CREBBP: variants seen among roughly 807,000 people sequenced by gnomAD.
CREBBP encodes CREB-binding protein.
CREBBP carries 19 observed loss-of-function variants against 265.0 expected under a neutral mutation model. That is an observed-to-expected ratio of 0.07 (90% CI 0.05 to 0.11). The LOEUF is 0.11. Among genes scored for constraint, CREBBP ranks in the 10% least tolerant of loss-of-function variants. CREBBP has a pLI of 1.00. For synonymous variants in CREBBP, 1,457 were observed against 1,223.7 expected (o/e 1.19, Z -3.98); for missense variants, 2,525 against 3,219.0 (o/e 0.78, Z 5.22).
At chr16:3,852,624 T>G (rs2054876226) in intron 1 of CREBBP, among the ~76,000 whole-genome samples, 1 of 152,094 alleles carries the variant, frequency 6.6e-6, no homozygotes, top group African/African-American at 2.4e-5. Context: ...CTAAAAGTAT[T>G]TGTAGTATAT....
Position 3,797,026 on chromosome 16 carries a change from A to C in CREBBP, c.976-3400T>G, listed in dbSNP as rs181340351. ...TTCCTCCTCTCCCAGGCTGGTGTTC[A>C]ATGAGCCATGAGAGTTAGATGTGAA... is the stretch of plus-strand genomic sequence containing the variant. On this transcript the variant is annotated intron_variant, in intron 3 of 30. Coordinates refer to ENST00000262367, the MANE Select transcript of CREBBP (RefSeq NM_004380.3). Among the ~76,000 whole-genome samples the C allele has an allele frequency of 3.1e-4, 47 of 152,326 alleles. No homozygotes were observed. The East Asian group carries it at 5.2e-3, about 17-fold the overall frequency.
Position 3,745,264 on chromosome 16 carries a change from GGAAACA to G in CREBBP, c.3914+7_3914+12del. The G allele has an allele frequency of 6.2e-7, 1 of 1,612,294 alleles. No homozygotes were observed. The stretch of plus-strand genomic sequence containing the variant: ...GTGCAGAACTGCCCTCCAGGCCAGG[GGAAACA>G]ACTCACCCTGAAGGCCAAATGATGT... On this transcript the variant is annotated splice_region_variant and intron_variant, in intron 22 of 30. Transcript: ENST00000262367.
intron 6 of CREBBP, 132 bp from the exon 7 acceptor site, chr16:3,781,438 T>C (rs2053271967): frequency 2.8e-6 from 2 of 712,292 alleles, no homozygotes; most frequent in Admixed American, 2.1e-5. Context: ...TGGCCAGTTA[T>C]AGTAAGCACT....
chr16:3,764,657 T>C (rs1367278842), intron 16 of CREBBP, among the ~76,000 whole-genome samples: 1 of 152,068 alleles, frequency 6.6e-6, no homozygotes, highest in East Asian at 1.9e-4. Flanking sequence ...CATCACAGCT[T>C]GCTGCAGCCT....
intron 4 of CREBBP, 99 bp from the exon 5 acceptor site, chr16:3,792,193 A>T: frequency 4.9e-6 from 5 of 1,016,702 alleles, no homozygotes; most frequent in Non-Finnish European, 7.7e-6. Context: ...AGAAAATGGT[A>T]ACAAGTGTAA....
chr16:3,774,655 G>T lies in CREBBP; in HGVS notation c.2197C>A (p.Gln733Lys). Residue 733 changes from glutamine to lysine, a missense_variant, in exon 12 of 31, where the codon CAG (glutamine) becomes AAG (lysine). Coordinates refer to ENST00000262367, the MANE Select transcript of CREBBP (RefSeq NM_004380.3). ...GGTCCCATGGGTGCTTGTGGCAACT[G>T]GACGTTCCCCAAGGACATGGGGTTA... ...SFNPMSLGNV[Q>K]LPQAPMGPRA... The T allele has an allele frequency of 6.2e-7, 1 of 1,614,162 alleles. No individual in the cohort carries two copies. Among genetic ancestry groups the T allele is most frequent in the Non-Finnish European group, 8.5e-7 (1 of 1,180,028 alleles).
Position 3,728,411 on chromosome 16 carries a change from C to A in CREBBP, c.6636G>T (p.Gln2212His). The A allele has an allele frequency of 6.2e-7, 1 of 1,613,164 alleles. No homozygotes were observed. Among genetic ancestry groups the A allele is most frequent in the Non-Finnish European group, 8.5e-7 (1 of 1,179,536 alleles). Residue 2212 changes from glutamine to histidine, a missense_variant, in exon 31 of 31, where the codon CAG becomes CAT. Gln to His is a conservative substitution (Grantham distance 24). Around this residue, in one of 19 missense-constraint regions of CREBBP, gnomAD observed 473 missense variants for 459.3 expected, o/e 1.03. Coordinates refer to ENST00000262367, the MANE Select transcript of CREBBP (RefSeq NM_004380.3). The surrounding 1 kb of genome is among the most constrained non-coding windows in gnomAD (Gnocchi z 8.7). ...QQQQQQQQQQQQQQQGSAGMA... is the reference protein window; with the variant it reads ...QQQQQQQQQQHQQQQGSAGMA... Reference sequence around the variant, plus strand: ...TGCCGGCACTCCCTTGCTGCTGCTGCTGTTGCTGCTGTTGTTGCTGCTGCT... The same window carrying A: ...TGCCGGCACTCCCTTGCTGCTGCTGATGTTGCTGCTGTTGTTGCTGCTGCT...
In CREBBP at chr16:3,765,968, G is replaced by C. The variant is rs371300505; in HGVS notation, c.3250+1752C>G. Among the ~76,000 whole-genome samples, 322 of 152,182 alleles carry C rather than the reference G, an allele frequency of 2.1e-3. 5 individuals carry two copies. Among genetic ancestry groups the C allele is most frequent in the Middle Eastern group, 0.014 (4 of 294 alleles). ...CAGCCTCCCAAAATGCTGAGATTAC[G>C]GGTGTGAGCCACCATGCACGCCCTG... On this transcript the variant is annotated intron_variant, in intron 16 of 30. Transcript: ENST00000262367.
At position 3,729,317 on chromosome 16, in the gene CREBBP, T is replaced by C. The variant is rs1158401580; in HGVS notation, c.5730A>G (p.Gln1910=). The change falls in exon 31 of 31, where the codon CAA becomes CAG. Residue 1910 remains glutamine, a synonymous_variant. Transcript: ENST00000262367. ...CTGGTGACATGCTCACGGGTGAGGG[T>C]TGGGGCTGGGCAGGGGGCTGCGGCG... ...PQTPQPPAQP[Q]PSPVSMSPAG... 17 of 1,560,006 alleles carry C rather than the reference T, an allele frequency of 1.1e-5. No homozygotes were observed. Among genetic ancestry groups the C allele is most frequent in the Admixed American group, 7.6e-5 (4 of 52,506 alleles).
At chr16:3,796,430 A>G (rs2053610126) in intron 3 of CREBBP, among the ~76,000 whole-genome samples, 1 of 148,346 alleles carries the variant, frequency 6.7e-6, no homozygotes, top group African/African-American at 2.5e-5. Flanking sequence ...TCTATCGCCT[A>G]AGCTGGAGTG....
Position 3,728,219 on chromosome 16 carries a change from C to G in CREBBP, c.6828G>C (p.Gln2276His), listed in dbSNP as rs1367162435. The change falls in exon 31 of 31, where the codon CAG becomes CAC. Residue 2276 changes from glutamine to histidine, a missense_variant. Physicochemically the swap from Gln to His is conservative, Grantham distance 24 (BLOSUM62 0). Coordinates refer to ENST00000262367, the MANE Select transcript of CREBBP (RefSeq NM_004380.3). The surrounding 1 kb of genome is among the most constrained non-coding windows in gnomAD (Gnocchi z 8.7). ...GGGTGCTGTCTGCCCCCAGCCCCGG[C>G]TGCCCCATCTGGCCAAGCTGTCCCA... ...AQMGQLGQMG[Q>H]PGLGADSTPN... The G allele has an allele frequency of 1.9e-6, 3 of 1,613,496 alleles. No individual in the cohort carries two copies.
At chr16:3,799,910 C>A (rs927513606) in intron 3 of CREBBP, among the ~76,000 whole-genome samples, 1 of 152,142 alleles carries the variant, frequency 6.6e-6, no homozygotes, top group African/African-American at 2.4e-5. Flanking sequence ...TAAGTGACTA[C>A]TATTTTAATA....
At chr16:3,849,449 G>GTGTGTGT (rs2054770451) in intron 2 of CREBBP, among the ~76,000 whole-genome samples, 1 of 49,046 alleles carries the variant, frequency 2.0e-5, no homozygotes, top group Non-Finnish European at 5.4e-5. Context: ...GTGTGTGTGT[G>GTGTGTGT]TGTGTGTGTG....
intron 28 of CREBBP, among the ~76,000 whole-genome samples, chr16:3,733,361 C>CAAAA (rs373861759): frequency 1.2e-5 from 1 of 81,774 alleles, no homozygotes; most frequent in Non-Finnish European, 2.6e-5. Flanking sequence ...GACTCCATCT[C>CAAAA]AAAAAAAAAA....
chr16:3,817,072 T>C (rs1239734714), intron 2 of CREBBP, among the ~76,000 whole-genome samples: 1 of 152,220 alleles, frequency 6.6e-6, no homozygotes, highest in Non-Finnish European at 1.5e-5. Context: ...TACTTTCCCA[T>C]GCTGAAAAGT....
chr16:3,813,590 AC>A (rs1326402514), intron 2 of CREBBP, among the ~76,000 whole-genome samples: 21 of 152,328 alleles, frequency 1.4e-4, no homozygotes, highest in African/African-American at 5.1e-4. Context: ...ACGAACAACA[AC>A]AAAAAATATA....
At chr16:3,803,376 G>C (rs906017593) in intron 3 of CREBBP, among the ~76,000 whole-genome samples, 1 of 149,806 alleles carries the variant, frequency 6.7e-6, no homozygotes, top group Admixed American at 6.7e-5. Context: ...GCGGTGGCGG[G>C]CGCCTGTAAT....
At chr16:3,847,153 C>A (rs2054684642) in intron 2 of CREBBP, among the ~76,000 whole-genome samples, 1 of 152,240 alleles carries the variant, frequency 6.6e-6, no homozygotes, top group Middle Eastern at 3.4e-3. Flanking sequence ...AAAAAAAAAT[C>A]TCTGTGCAGT....
chr16:3,801,677 A>G (rs960553352), intron 3 of CREBBP, among the ~76,000 whole-genome samples: 3 of 152,174 alleles, frequency 2.0e-5, no homozygotes, highest in African/African-American at 7.2e-5. Flanking sequence ...TCTAAAAAAA[A>G]ACAGAAGAAC....
Sources: allele counts gnomAD v4.1 joint callset (sites outside exome capture counted in the v4.1 genomes callset), GRCh38; gene constraint gnomAD v4.1.1; regional missense constraint gnomAD v4.1.1; non-coding constraint Gnocchi (gnomAD v3.1); transcripts MANE v1.5; gene names NCBI Gene and HGNC (gene_info 2026-07-23, HGNC 2026-07-21).